Variants in LRMDA observed in about 807,000 individuals in gnomAD.
LRMDA encodes the protein leucine-rich melanocyte differentiation-associated protein.
Under a neutral mutation model 29.8 loss-of-function variants are expected in LRMDA, and 18 were observed. The observed-to-expected ratio is 0.60, with a 90% confidence interval of 0.42 to 0.90. The LOEUF (loss-of-function observed/expected upper bound fraction) is 0.90. Ranked by LOEUF, LRMDA falls within the 40% of genes least tolerant of loss-of-function variation. The probability of loss-of-function intolerance (pLI) is 0.00; values close to 1 mark genes in which losing one functional copy is unlikely to be tolerated. For synonymous variants in LRMDA, 125 were observed against 109.4 expected (o/e 1.14, Z -0.89); for missense variants, 273 against 273.9 (o/e 1.00, Z 0.02).
At chr10:76,370,701 T>A (rs1841443978) in intron 6 of LRMDA, among the ~76,000 whole-genome samples, 1 of 152,196 alleles carries the variant, frequency 6.6e-6, no homozygotes, top group Admixed American at 6.5e-5. Flanking sequence ...TTACCGTGCC[T>A]AATTTATAAA....
intron 2 of LRMDA, among the ~76,000 whole-genome samples, chr10:75,865,081 C>A (rs1844998309): frequency 6.6e-6 from 1 of 152,092 alleles, no homozygotes. Context: ...GTTTTCCCTC[C>A]AAATCATTTG....
At chr10:75,823,347 C>T (rs1286811545) in intron 2 of LRMDA, among the ~76,000 whole-genome samples, 1 of 152,074 alleles carries the variant, frequency 6.6e-6, no homozygotes, top group African/African-American at 2.4e-5. Context: ...AGCTAACAAA[C>T]ATGAAAAACT....
At chr10:76,450,476 T>G (rs1012190938) in intron 6 of LRMDA, among the ~76,000 whole-genome samples, 1 of 152,138 alleles carries the variant, frequency 6.6e-6, no homozygotes, top group Non-Finnish European at 1.5e-5. Flanking sequence ...ATTTAAAGCC[T>G]TATAAGCATA....
At chr10:76,145,430 T>C (rs1014723987) in intron 5 of LRMDA, among the ~76,000 whole-genome samples, 1 of 152,124 alleles carries the variant, frequency 6.6e-6, no homozygotes. Context: ...AGGGTGTATG[T>C]GTCAAGGAAT....
chr10:76,541,982 T>C (rs1843361881), intron 6 of LRMDA, among the ~76,000 whole-genome samples: 1 of 152,208 alleles, frequency 6.6e-6, no homozygotes, highest in African/African-American at 2.4e-5. Flanking sequence ...AAATGAGTCA[T>C]ACTTGCGTTG....
chr10:75,911,207 G>C (rs1845837632), intron 2 of LRMDA, among the ~76,000 whole-genome samples: 1 of 152,096 alleles, frequency 6.6e-6, no homozygotes. Flanking sequence ...TGGTGCTATT[G>C]CATGGGCTTA....
At chr10:76,146,631 G>A (rs1388334668) in intron 5 of LRMDA, among the ~76,000 whole-genome samples, 3 of 151,924 alleles carry the variant, frequency 2.0e-5, no homozygotes, top group Non-Finnish European at 4.4e-5. Context: ...GATGGGTCTT[G>A]ACTATCCAAT....
intron 2 of LRMDA, among the ~76,000 whole-genome samples, chr10:75,529,025 G>C (rs1364919182): frequency 6.6e-6 from 1 of 152,142 alleles, no homozygotes; most frequent in East Asian, 1.9e-4. Flanking sequence ...GGAGAAAAAA[G>C]GAGCAGTCTC....
intron 2 of LRMDA, among the ~76,000 whole-genome samples, chr10:75,509,286 G>A (rs1845201190): frequency 6.6e-6 from 1 of 152,130 alleles, no homozygotes; most frequent in Admixed American, 6.5e-5. Flanking sequence ...GTATATGTGT[G>A]TGTGTGTAAC....
At chr10:76,010,591 C>T (rs1457336503) in intron 2 of LRMDA, among the ~76,000 whole-genome samples, 1 of 152,176 alleles carries the variant, frequency 6.6e-6, no homozygotes, top group Admixed American at 6.5e-5. Flanking sequence ...GGATTACAGG[C>T]GTGAGCCACT....
intron 2 of LRMDA, among the ~76,000 whole-genome samples, chr10:75,507,015 T>C (rs988064078): frequency 6.6e-6 from 1 of 151,820 alleles, no homozygotes; most frequent in African/African-American, 2.4e-5. Flanking sequence ...TTTGGGGATG[T>C]GGGTGGGTCT....
intron 2 of LRMDA, among the ~76,000 whole-genome samples, chr10:75,537,225 A>G (rs1187147994): frequency 6.6e-6 from 1 of 152,150 alleles, no homozygotes. Context: ...CCTCATTATT[A>G]TAACGTGCAA....
chr10:75,628,091 A>C lies in LRMDA; in HGVS notation c.131+189597A>C, dbSNP rs534296285. 2.6e-5 allele frequency among the ~76,000 whole-genome samples: 4 copies of C among 152,308 alleles called. No individual in the cohort carries two copies. In the South Asian group the frequency reaches 8.3e-4, roughly 32 times the overall value. ...TGGAAAATATATCTGAGTACAAAGA[A>C]GACAATAAAACATCATCCATAATCA... On this transcript the variant is annotated intron_variant, in intron 2 of 6. Coordinates refer to ENST00000611255, the MANE Select transcript of LRMDA (RefSeq NM_001305581.2).
chr10:76,103,297 G>A (rs10824365), intron 5 of LRMDA, among the ~76,000 whole-genome samples: 66,004 of 152,016 alleles, frequency 0.43, 14,852 homozygotes, highest in Non-Finnish European at 0.46. Context: ...AGGATAAAGA[G>A]GTTGTTTTTA....
intron 2 of LRMDA, among the ~76,000 whole-genome samples, chr10:75,821,118 CT>C (rs1196108558): frequency 6.6e-6 from 1 of 152,124 alleles, no homozygotes; most frequent in Non-Finnish European, 1.5e-5. Context: ...TTTACTAAAA[CT>C]GTTCCAAAAA....
chr10:75,806,601 G>T (rs1843856809), intron 2 of LRMDA, among the ~76,000 whole-genome samples: 1 of 151,024 alleles, frequency 6.6e-6, no homozygotes, highest in Non-Finnish European at 1.5e-5. Flanking sequence ...CTGGGTGATT[G>T]ATCGGGATAA....
At chr10:75,557,690 G>A (rs1189249380) in intron 2 of LRMDA, among the ~76,000 whole-genome samples, 2 of 152,184 alleles carry the variant, frequency 1.3e-5, no homozygotes, top group Non-Finnish European at 2.9e-5. Context: ...TGGGATTGAG[G>A]CGAGTGGCCA....
intron 2 of LRMDA, among the ~76,000 whole-genome samples, chr10:75,750,313 C>T (rs1216148305): frequency 6.6e-6 from 1 of 151,856 alleles, no homozygotes; most frequent in African/African-American, 2.4e-5. Context: ...CCCCACCTCC[C>T]TCCCGGACGG....
intron 6 of LRMDA, among the ~76,000 whole-genome samples, chr10:76,336,485 G>T (rs541543711): frequency 1.3e-5 from 2 of 152,332 alleles, no homozygotes; most frequent in South Asian, 4.1e-4. Context: ...AGCTTCCTTA[G>T]TCTGTGGGGT....
Sources: gnomAD v4.1 joint callset for allele counts (sites outside exome capture counted in the v4.1 genomes callset) on GRCh38, gnomAD v4.1.1 for gene constraint, MANE v1.5 for transcripts, NCBI Gene and HGNC (gene_info 2026-07-23, HGNC 2026-07-21) for gene names.